Variants in POTEE observed in about 807,000 individuals in gnomAD.
The protein encoded by POTEE is ANKRD26-like family C member 1A.
A neutral mutation model predicts 74.2 loss-of-function variants in POTEE; 21 were observed. The observed-to-expected ratio is 0.28, with a 90% confidence interval of 0.20 to 0.41. The LOEUF (loss-of-function observed/expected upper bound fraction) is 0.41. POTEE is among the 10% of genes least tolerant of loss of function. The pLI is 1.00. For synonymous variants in POTEE, 211 were observed against 432.8 expected (o/e 0.49, Z 6.36); for missense variants, 525 against 1,158.6 (o/e 0.45, Z 7.94).
chr2:131,238,057 A>G, intron 10 of POTEE, 137 bp from the exon 11 acceptor site: 2 of 509,334 alleles, frequency 3.9e-6, no homozygotes, highest in Non-Finnish European at 6.3e-6. Context: ...TTAAATTTTA[A>G]TTTTAATTAT....
chr2:131,230,527 A>G (rs947940671), intron 8 of POTEE, among the ~76,000 whole-genome samples: 2 of 152,160 alleles, frequency 1.3e-5, no homozygotes, highest in African/African-American at 4.8e-5. Context: ...CCAAGAACAA[A>G]TAGCTGTTCA....
rs187803627 is a variant in POTEE at position 131,230,832 on chromosome 2, A to G, written c.1056-4A>G. ...AATTTGGTTTATTACATTTTTATAC[A>G]TAGAATTTGCCAGTTACTTTCTGAC... is the stretch of plus-strand genomic sequence containing the variant. On this transcript the variant is annotated splice_polypyrimidine_tract_variant and splice_region_variant and intron_variant, in intron 8 of 17. Transcript: ENST00000683005. The G allele has an allele frequency of 1.5e-3, 2,221 of 1,475,180 alleles. 22 individuals carry two copies. The African/African-American group carries it at 0.02, about 13-fold the overall frequency. 91.4% of individuals were successfully genotyped at this position (1,475,180 alleles called of 1,614,324 possible). A position where few individuals can be genotyped will look rare whatever the true frequency, so the allele number is the denominator to read the frequency against.
chr2:131,224,950 G>C (rs1277665382), intron 6 of POTEE, among the ~76,000 whole-genome samples: 1 of 152,116 alleles, frequency 6.6e-6, no homozygotes, highest in Admixed American at 6.5e-5. Flanking sequence ...ACAAGATCAA[G>C]TTGGATTTTG....
intron 2 of POTEE, among the ~76,000 whole-genome samples, chr2:131,215,488 A>G (rs1159253083): frequency 6.6e-6 from 1 of 151,730 alleles, no homozygotes; most frequent in Non-Finnish European, 1.5e-5. Flanking sequence ...CTTACGCTAG[A>G]ACTTTGAGAA....
chr2:131,230,236 G>C (rs1244370047), intron 8 of POTEE, among the ~76,000 whole-genome samples: 5 of 152,108 alleles, frequency 3.3e-5, no homozygotes, highest in Non-Finnish European at 7.4e-5. Context: ...GCCATAAAGA[G>C]TAGGACAACT....
At chr2:131,260,488 C>A (rs1701676637) in intron 16 of POTEE, among the ~76,000 whole-genome samples, 1 of 137,808 alleles carries the variant, frequency 7.3e-6, no homozygotes, top group Non-Finnish European at 1.5e-5. Context: ...CTGTTATTTT[C>A]TTTGGTGGTG....
At chr2:131,225,037 C>T (rs1573706043) in intron 6 of POTEE, among the ~76,000 whole-genome samples, 1 of 152,278 alleles carries the variant, frequency 6.6e-6, no homozygotes, top group Admixed American at 6.5e-5. Context: ...TCTCCTACTC[C>T]TTACTCTTTT....
In POTEE at chr2:131,218,498, C is replaced by G; in HGVS notation, c.96C>G (p.Phe32Leu). The change falls in exon 4 of 18, where the codon TTC becomes TTG. Residue 32 changes from phenylalanine to leucine, a missense_variant. Phe to Leu is a conservative substitution (Grantham distance 22). Coordinates refer to ENST00000683005, the MANE Select transcript of POTEE (RefSeq NM_001083538.3). ...SKMGKWCCRC[F>L]PCYRESGKSN... Reference sequence around the variant, plus strand: ...TGGGCAAGTGGTGCTGCCGTTGCTTCCCCTGCTACAGGGAGAGCGGCAAGA... The same window carrying G: ...TGGGCAAGTGGTGCTGCCGTTGCTTGCCCTGCTACAGGGAGAGCGGCAAGA... 1 of 1,612,740 alleles carries G rather than the reference C, an allele frequency of 6.2e-7. No homozygotes were observed. Among genetic ancestry groups the G allele is most frequent in the South Asian group, 1.1e-5 (1 of 91,058 alleles).
chr2:131,235,946 A>G (rs1273728454), intron 9 of POTEE, among the ~76,000 whole-genome samples: 11 of 151,088 alleles, frequency 7.3e-5, no homozygotes, highest in Non-Finnish European at 1.0e-4. Flanking sequence ...GTTGCAGAAA[A>G]CAGGAGGCAG....
intron 1 of POTEE, among the ~76,000 whole-genome samples, 114 bp downstream of exon 1, chr2:131,209,933 T>A (rs1469801513): frequency 1.4e-5 from 2 of 142,594 alleles, no homozygotes; most frequent in African/African-American, 5.2e-5. Context: ...GGGGGCACTC[T>A]CCGAGGTTGC....
intron 2 of POTEE, among the ~76,000 whole-genome samples, chr2:131,212,030 G>C (rs929876978): frequency 2.0e-5 from 3 of 151,612 alleles, no homozygotes; most frequent in Non-Finnish European, 1.5e-5. Flanking sequence ...TTTTGCTGCT[G>C]CTTCTATTTC....
rs1309056334 is a variant in POTEE at position 131,209,544 on chromosome 2, C to T, written c.-620C>T. On this transcript the variant is annotated 5_prime_UTR_variant, in exon 1 of 18. Coordinates refer to ENST00000683005, the MANE Select transcript of POTEE (RefSeq NM_001083538.3). ...GGAGGTGGCGTCAGGTCATTTCAGGCTCTTAAGTGTGGGCGTTTGGTAACC... is the reference window on the plus strand; with the variant it reads ...GGAGGTGGCGTCAGGTCATTTCAGGTTCTTAAGTGTGGGCGTTTGGTAACC... Among the ~76,000 whole-genome samples, 3 of 152,204 alleles carry T rather than the reference C, an allele frequency of 2.0e-5. No individual in the cohort carries two copies. The highest frequency in any genetic ancestry group is 4.1e-4 in the South Asian group (2 of 4,836).
chr2:131,233,390 G>C, intron 9 of POTEE, among the ~76,000 whole-genome samples: 1 of 152,024 alleles, frequency 6.6e-6, no homozygotes, highest in East Asian at 1.9e-4. Context: ...AATGCAGATT[G>C]GATTTGGCCT....
intron 6 of POTEE, among the ~76,000 whole-genome samples, chr2:131,224,546 G>A (rs1446909468): frequency 1.3e-5 from 2 of 149,200 alleles, no homozygotes; most frequent in African/African-American, 5.0e-5. Context: ...AAGCAAAAAA[G>A]AGAGCAATCA....
rs1475987266 is a variant in POTEE at position 131,225,686 on chromosome 2, G to A, written c.811-1137G>A. Among the ~76,000 whole-genome samples, 861 of 124,756 alleles carry A rather than the reference G, an allele frequency of 6.9e-3. 4 individuals are homozygous for A. The highest frequency in any genetic ancestry group is 7.5e-3 in the Non-Finnish European group (459 of 61,216). 81.8% of individuals were successfully genotyped at this position (124,756 alleles called of 152,430 possible). A position where few individuals can be genotyped will look rare whatever the true frequency, so the allele number is the denominator to read the frequency against. ...AAGCTCAGATGGTCCTCCAACCTCA[G>A]TTTTTTTTTTTTTTTTTCAGTAGAG... On this transcript the variant is annotated intron_variant, in intron 6 of 17. Coordinates refer to ENST00000683005, the MANE Select transcript of POTEE (RefSeq NM_001083538.3).
At chr2:131,229,968 A>T (rs1211701378) in intron 8 of POTEE, among the ~76,000 whole-genome samples, 4 of 152,052 alleles carry the variant, frequency 2.6e-5, no homozygotes, top group African/African-American at 9.7e-5. Flanking sequence ...ATAAAAGTAG[A>T]CTTTTGGTCT....
In POTEE at chr2:131,264,007, T is replaced by A. The variant is rs1348080416; in HGVS notation, c.2552T>A (p.Ile851Asn). ...SLYTSGRTTG[I>N]VMDSGDGVTH... ...TACACCTCTGGCCGTACTACTGGCA[T>A]CGTGATGGACTCTGGTGACGGGGTC... is the stretch of plus-strand genomic sequence containing the variant. Residue 851 changes from isoleucine to asparagine, a missense_variant, in exon 18 of 18, where the codon ATC becomes AAC. Coordinates refer to ENST00000683005, the MANE Select transcript of POTEE (RefSeq NM_001083538.3). 2 of 1,614,092 alleles carry A rather than the reference T, an allele frequency of 1.2e-6. No individual in the cohort carries two copies. Among genetic ancestry groups the A allele is most frequent in the African/African-American group, 2.7e-5 (2 of 74,954 alleles).
rs1203403188 is a variant in POTEE, at chr2:131,241,424, CAT to C, written c.1409+1981_1409+1982del. 4.2e-4 allele frequency among the ~76,000 whole-genome samples: 2 copies of C among 4,748 alleles called. 1 individual carries two copies. Among genetic ancestry groups the C allele is most frequent in the Non-Finnish European group, 1.1e-3 (2 of 1,756 alleles). 3.1% of individuals were successfully genotyped at this position (4,748 alleles called of 152,430 possible). ...CCTCAGTCTGGCATTTTTAATGCCA[CAT>C]GTGTATAATTTTTATAACCTTTAAA... On this transcript the variant is annotated intron_variant, in intron 12 of 17. Transcript: ENST00000683005.
At chr2:131,219,257 T>C (rs540121461) in intron 4 of POTEE, among the ~76,000 whole-genome samples, 1 of 151,686 alleles carries the variant, frequency 6.6e-6, no homozygotes, top group East Asian at 1.9e-4. Flanking sequence ...GAAAAGTGTA[T>C]ATTGAGAACT....
Sources: gnomAD v4.1 joint callset for allele counts (sites outside exome capture counted in the v4.1 genomes callset) on GRCh38, gnomAD v4.1.1 for gene constraint, MANE v1.5 for transcripts, NCBI Gene and HGNC (gene_info 2026-07-23, HGNC 2026-07-21) for gene names.